Variants in TENM2 observed in about 807,000 individuals in gnomAD.
TENM2 encodes the protein teneurin-2.
In TENM2, 52 loss-of-function variants were observed where a neutral mutation model predicts 245.2. The observed-to-expected ratio is 0.21, with a 90% CI of 0.17 to 0.27. The LOEUF (loss-of-function observed/expected upper bound fraction) is 0.27. Ranked by LOEUF, TENM2 falls within the 10% of genes least tolerant of loss-of-function variation. TENM2 has a pLI of 1.00. For synonymous variants in TENM2, 1,363 were observed against 1,438.9 expected, an observed-to-expected ratio of 0.95 and a Z score of 1.19; for missense variants, 3,046 against 3,666.8, an observed-to-expected ratio of 0.83 and a Z score of 4.37.
the TENM2 span, among the ~76,000 whole-genome samples, chr5:166,979,211 A>AGCAGCAGCAGCC: frequency 6.7e-6 from 1 of 149,640 alleles, no homozygotes; most frequent in East Asian, 2.0e-4. Context: ...CAGCAGCAGC[A>AGCAGCAGCAGCC]GCAGCAGCAG....
intron 2 of TENM2, among the ~76,000 whole-genome samples, chr5:167,387,538 A>G (rs927997095): frequency 4.6e-5 from 7 of 152,084 alleles, no homozygotes; most frequent in African/African-American, 1.7e-4. Context: ...TGCTCTGGCT[A>G]GGACTTCAGT....
chr5:167,153,208 C>T, the TENM2 span, among the ~76,000 whole-genome samples: 14 of 151,788 alleles, frequency 9.2e-5, no homozygotes, highest in Non-Finnish European at 1.9e-4. Context: ...CCTTTTGACT[C>T]CCCCCAAACT....
chr5:167,373,241 T>C (rs1418179250), intron 1 of TENM2, among the ~76,000 whole-genome samples: 1 of 152,198 alleles, frequency 6.6e-6, no homozygotes, highest in African/African-American at 2.4e-5. Flanking sequence ...AAAAGACATA[T>C]GTCTATTACA....
the TENM2 span, among the ~76,000 whole-genome samples, chr5:167,110,839 G>T: frequency 6.6e-6 from 1 of 152,162 alleles, no homozygotes; most frequent in Admixed American, 6.5e-5. Context: ...GAAAATTTGT[G>T]CATGGCCATT....
the TENM2 span, among the ~76,000 whole-genome samples, chr5:166,979,194 C>CCACCAG: frequency 0.027 from 3,796 of 142,090 alleles, 173 homozygotes; most frequent in African/African-American, 0.097. Context: ...AGCACCACCA[C>CCACCAG]CAGCAGCAGC....
intron 2 of TENM2, among the ~76,000 whole-genome samples, chr5:167,509,695 CT>C (rs1769797969): frequency 6.6e-6 from 1 of 152,188 alleles, no homozygotes. Flanking sequence ...TGACTGAGCA[CT>C]TACCATGTGC....
At chr5:167,952,387 G>A in intron 3 of TENM2, 1 of 598,720 alleles carries the variant, frequency 1.7e-6, no homozygotes, top group Non-Finnish European at 3.0e-6. Context: ...TGATGCGTGT[G>A]GATAAATGCA....
intron 7 of TENM2, chr5:168,087,227 A>C (rs1029787137): frequency 2.0e-5 from 3 of 152,192 alleles, no homozygotes; most frequent in African/African-American, 7.2e-5. Flanking sequence ...AATTGTGATA[A>C]ACAAACACCC....
intron 2 of TENM2, among the ~76,000 whole-genome samples, chr5:167,857,973 G>A (rs1279103037): frequency 1.3e-5 from 2 of 152,204 alleles, no homozygotes; most frequent in South Asian, 2.1e-4. Context: ...GCAAAGTGAA[G>A]TGGTTGATCA....
intron 4 of TENM2, among the ~76,000 whole-genome samples, chr5:167,957,831 C>T (rs1258138169): frequency 6.6e-6 from 1 of 152,188 alleles, no homozygotes; most frequent in Non-Finnish European, 1.5e-5. Context: ...GCACTGTGGT[C>T]TGAGAGACTG....
intron 8 of TENM2, among the ~76,000 whole-genome samples, chr5:168,091,779 A>G (rs1368026841): frequency 6.6e-6 from 1 of 152,184 alleles, no homozygotes; most frequent in African/African-American, 2.4e-5. Context: ...GTAGATCTCA[A>G]GATTCACTGG....
At chr5:167,728,911 A>C (rs939189520) in intron 2 of TENM2, 2 of 152,230 alleles carry the variant, frequency 1.3e-5, no homozygotes, top group Admixed American at 1.3e-4. Context: ...TGTCAGGAGG[A>C]GATATTTGTT....
Position 167,316,969 on chromosome 5 carries a change from C to A in TENM2, c.226+31906C>A, listed in dbSNP as rs1756400820. 2.0e-5 allele frequency among the ~76,000 whole-genome samples: 3 copies of A among 151,686 alleles called. No homozygotes were observed. In the South Asian group the frequency reaches 6.2e-4, roughly 31 times the overall value. ...CAATGTCCCAGCCTTCCTCTGCACA[C>A]CCCCTAATACCAATGTCTTCTTATG... On this transcript the variant is annotated intron_variant, in intron 1 of 28. Transcript: ENST00000518659.
intron 3 of TENM2, chr5:167,948,888 GC>G (rs1386004737): frequency 1.3e-5 from 2 of 152,186 alleles, no homozygotes; most frequent in African/African-American, 4.8e-5. Flanking sequence ...GACATCAGTT[GC>G]TTTACAGAAG....
At chr5:168,079,773 A>G (rs1441917464) in intron 7 of TENM2, among the ~76,000 whole-genome samples, 2 of 152,208 alleles carry the variant, frequency 1.3e-5, no homozygotes, top group East Asian at 1.9e-4. Flanking sequence ...CATCCCAGGG[A>G]TGAAGCCCAC....
the TENM2 span, among the ~76,000 whole-genome samples, chr5:167,279,512 C>CCTT: frequency 8.5e-6 from 1 of 118,122 alleles, no homozygotes; most frequent in South Asian, 3.0e-4. Context: ...TTCCTTCCTT[C>CCTT]CTTTCCTTCC....
intron 2 of TENM2, among the ~76,000 whole-genome samples, chr5:167,799,380 C>T (rs1057010217): frequency 2.0e-5 from 3 of 152,146 alleles, no homozygotes; most frequent in African/African-American, 7.2e-5. Context: ...TTTTTGTAAT[C>T]TTGCTTTCTT....
rs565328707 is a variant in TENM2 at position 167,295,244 on chromosome 5, G to A, written c.226+10181G>A. Among the ~76,000 whole-genome samples, 40 of 152,322 alleles carry A rather than the reference G, an allele frequency of 2.6e-4. No individual in the cohort carries two copies. The South Asian group carries it at 6.2e-3, about 24-fold the overall frequency. On this transcript the variant is annotated intron_variant, in intron 1 of 28. Transcript: ENST00000518659. ...TGGTATGTCTGTCCAGCATGACAAT[G>A]TCAAATCTCACATTTTGAAATGCCA...
At chr5:167,355,443 G>A (rs1554138609) in intron 1 of TENM2, among the ~76,000 whole-genome samples, 1 of 152,128 alleles carries the variant, frequency 6.6e-6, no homozygotes, top group South Asian at 2.1e-4. Flanking sequence ...GGAAGTTGAA[G>A]CAAGAAATAA....
Sources: allele counts gnomAD v4.1 joint callset (sites outside exome capture counted in the v4.1 genomes callset), GRCh38; gene constraint gnomAD v4.1.1; transcripts MANE v1.5; gene names NCBI Gene and HGNC (gene_info 2026-07-23, HGNC 2026-07-21).